EVI5: variants seen among roughly 807,000 people sequenced by gnomAD.
EVI5 encodes the protein ecotropic viral integration site 5, also known as ecotropic viral integration site 5 protein homolog.
In EVI5, 73 loss-of-function variants were observed where a neutral mutation model predicts 112.0. That is an observed-to-expected ratio of 0.65 (90% CI 0.54 to 0.79). The LOEUF (loss-of-function observed/expected upper bound fraction) is 0.79, where lower values mean the gene tolerates loss of function less well. Ranked by LOEUF, EVI5 falls within the 30% of genes least tolerant of loss-of-function variation. EVI5 has a pLI of 0.00. For synonymous variants in EVI5, 305 were observed against 319.9 expected (o/e 0.95, Z 0.50); for missense variants, 900 against 968.8 (o/e 0.93, Z 0.94).
intron 18 of EVI5, among the ~76,000 whole-genome samples, chr1:92,579,134 A>G (rs1224151136): frequency 1.3e-5 from 2 of 152,208 alleles, no homozygotes; most frequent in Non-Finnish European, 2.9e-5. Context: ...AGCCCTCTGT[A>G]AAGAGTGATA....
intron 19 of EVI5, among the ~76,000 whole-genome samples, chr1:92,550,781 A>AT (rs58461395): frequency 4.9e-5 from 1 of 20,322 alleles, no homozygotes. Flanking sequence ...AAAAAAAAAA[A>AT]ATATATATAT....
At chr1:92,655,344 A>G (rs1386501863) in intron 13 of EVI5, among the ~76,000 whole-genome samples, 1 of 152,134 alleles carries the variant, frequency 6.6e-6, no homozygotes, top group East Asian at 1.9e-4. Context: ...ATTAAAGAAA[A>G]AAAAAAACCT....
intron 19 of EVI5, among the ~76,000 whole-genome samples, chr1:92,562,528 T>C (rs1274366022): frequency 1.4e-5 from 2 of 147,722 alleles, no homozygotes; most frequent in East Asian, 3.9e-4. Context: ...AGACTCCGTC[T>C]AAAAAAAAAA....
chr1:92,768,920 CT>C (rs1683020116), intron 1 of EVI5, among the ~76,000 whole-genome samples: 1 of 152,106 alleles, frequency 6.6e-6, no homozygotes, highest in Non-Finnish European at 1.5e-5. Flanking sequence ...TTACATCCCC[CT>C]AAGTACCCTG....
At chr1:92,715,557 G>C (rs1570542545) in intron 2 of EVI5, among the ~76,000 whole-genome samples, 1 of 152,164 alleles carries the variant, frequency 6.6e-6, no homozygotes, top group Admixed American at 6.5e-5. Context: ...CAGAAGACGG[G>C]TGATTTCTGC....
chr1:92,650,968 G>A (rs1287883468), intron 13 of EVI5, among the ~76,000 whole-genome samples: 1 of 152,038 alleles, frequency 6.6e-6, no homozygotes. Context: ...GCTCCTCAGG[G>A]AAGCTCTCCA....
At chr1:92,592,844 C>T (rs1674217155) in intron 18 of EVI5, among the ~76,000 whole-genome samples, 4 of 152,220 alleles carry the variant, frequency 2.6e-5, no homozygotes, top group South Asian at 2.1e-4. Flanking sequence ...TTCCTCGACA[C>T]ATACACCCTC....
chr1:92,592,915 G>C (rs180807032), intron 18 of EVI5, among the ~76,000 whole-genome samples: 1 of 152,176 alleles, frequency 6.6e-6, no homozygotes. Context: ...CTCTGAAATT[G>C]AGGCAATAAT....
At chr1:92,577,672 C>CCT (rs1671289604) in intron 18 of EVI5, among the ~76,000 whole-genome samples, 1 of 152,102 alleles carries the variant, frequency 6.6e-6, no homozygotes. Context: ...TCTGGGAAAG[C>CCT]ATAGGGTTAG....
At chr1:92,665,182 G>A (rs894437789) in intron 11 of EVI5, among the ~76,000 whole-genome samples, 3 of 152,046 alleles carry the variant, frequency 2.0e-5, no homozygotes, top group African/African-American at 7.2e-5. Flanking sequence ...TCCAGCCTGG[G>A]CAACAGAGCG....
chr1:92,589,741 CCTGT>C (rs995195210), intron 18 of EVI5, among the ~76,000 whole-genome samples: 1 of 152,286 alleles, frequency 6.6e-6, no homozygotes, highest in Non-Finnish European at 1.5e-5. Flanking sequence ...CTTAAATGTC[CCTGT>C]CTGACAGCTT....
chr1:92,591,540 T>C (rs551998556), intron 18 of EVI5, among the ~76,000 whole-genome samples: 3 of 152,214 alleles, frequency 2.0e-5, no homozygotes, highest in African/African-American at 7.2e-5. Context: ...GGTAAAGGGA[T>C]CAATTCAACA....
intron 19 of EVI5, among the ~76,000 whole-genome samples, chr1:92,530,238 T>C (rs1662628441): frequency 6.6e-6 from 1 of 152,144 alleles, no homozygotes. Context: ...CCTCTCCAGA[T>C]TCCCTCCTCT....
chr1:92,527,472 A>T (rs1662119452), intron 19 of EVI5, among the ~76,000 whole-genome samples: 1 of 152,066 alleles, frequency 6.6e-6, no homozygotes, highest in South Asian at 2.1e-4. Flanking sequence ...AAAAGTATGT[A>T]TTTAGGCTCA....
chr1:92,540,583 TATC>T (rs1664626553), intron 19 of EVI5, among the ~76,000 whole-genome samples: 1 of 152,244 alleles, frequency 6.6e-6, no homozygotes, highest in African/African-American at 2.4e-5. Context: ...ACAGGCCCCT[TATC>T]AGGTAAATGA....
chr1:92,543,321 C>T (rs1665139897), intron 19 of EVI5, among the ~76,000 whole-genome samples: 2 of 152,188 alleles, frequency 1.3e-5, no homozygotes. Flanking sequence ...ACCTCATGAA[C>T]CAACCTCTGT....
At chr1:92,704,483 C>T in intron 3 of EVI5, 72 bp downstream of exon 3, 1 of 987,934 alleles carries the variant, frequency 1.0e-6, no homozygotes, top group South Asian at 2.2e-5. Context: ...GGTTTTTTTC[C>T]CAATCCTCTA....
chr1:92,730,176 G>A lies in EVI5; in HGVS notation c.149+6222C>T, dbSNP rs145095511. On this transcript the variant is annotated intron_variant, in intron 2 of 19. Coordinates refer to ENST00000684568, the MANE Select transcript of EVI5 (RefSeq NM_001350197.2). Reference sequence around the variant, plus strand: ...GCCCAGGAGTTTAAGACCAGCCTGGGCAATATGGCAAAACCCCATCTCTAC... The same window carrying A: ...GCCCAGGAGTTTAAGACCAGCCTGGACAATATGGCAAAACCCCATCTCTAC... Among the ~76,000 whole-genome samples, 769 of 151,982 alleles carry A rather than the reference G, an allele frequency of 5.1e-3. 6 individuals carry two copies. The highest frequency in any genetic ancestry group is 0.017 in the African/African-American group (714 of 41,466).
chr1:92,647,666 C>T (rs1378340777), intron 13 of EVI5: 4 of 301,396 alleles, frequency 1.3e-5, no homozygotes, highest in African/African-American at 4.3e-5. Context: ...CTTCTTCCTT[C>T]CTGGTCACCT....
Sources: gnomAD v4.1 joint callset for allele counts (sites outside exome capture counted in the v4.1 genomes callset) on GRCh38, gnomAD v4.1.1 for gene constraint, MANE v1.5 for transcripts, NCBI Gene and HGNC (gene_info 2026-07-23, HGNC 2026-07-21) for gene names.